The following RANBP2 variants were observed in gnomAD, a reference collection of about 807,000 sequenced individuals.
RANBP2 encodes E3 SUMO-protein ligase RanBP2.
A neutral mutation model predicts 303.6 loss-of-function variants in RANBP2; 57 were observed. The ratio of observed to expected loss-of-function variants is 0.19; its 90% CI spans 0.15 to 0.23. RANBP2 has a LOEUF of 0.23. Ranked by LOEUF, RANBP2 falls within the 10% of genes least tolerant of loss-of-function variation. RANBP2 has a pLI of 1.00. For missense variants in RANBP2, 3,138 were observed against 3,780.8 expected (o/e 0.83, Z 4.46); for synonymous variants, 1,167 against 1,301.5 (o/e 0.90, Z 2.23).
At chr2:109,179,460 T>A in the RANBP2 span, among the ~76,000 whole-genome samples, 2 of 152,146 alleles carry the variant, frequency 1.3e-5, no homozygotes, top group East Asian at 3.8e-4. Context: ...CCAGTGTCCT[T>A]GTCTTTGTGT....
At chr2:109,199,622 T>TTAACCC in the RANBP2 span, among the ~76,000 whole-genome samples, 2 of 132 alleles carry the variant, frequency 0.015, no homozygotes, top group South Asian at 0.25. Context: ...TGGAATGGAA[T>TTAACCC]GGAATGGAAT....
the RANBP2 span, among the ~76,000 whole-genome samples, chr2:108,855,195 A>G: frequency 6.6e-6 from 1 of 152,228 alleles, no homozygotes; most frequent in Non-Finnish European, 1.5e-5. Context: ...AAATGAGGAC[A>G]TAATTTTGAT....
At chr2:109,243,805 G>T in the RANBP2 span, among the ~76,000 whole-genome samples, 1 of 152,202 alleles carries the variant, frequency 6.6e-6, no homozygotes, top group African/African-American at 2.4e-5. Flanking sequence ...TTCTCTGTGC[G>T]TTGGGAAGCC....
the RANBP2 span, among the ~76,000 whole-genome samples, chr2:108,915,639 C>G: frequency 6.6e-6 from 1 of 152,036 alleles, no homozygotes; most frequent in Non-Finnish European, 1.5e-5. Context: ...GTGGCTCATG[C>G]CTATAATCCC....
chr2:109,631,326 A>C, the RANBP2 span, among the ~76,000 whole-genome samples: 53 of 152,332 alleles, frequency 3.5e-4, no homozygotes, highest in African/African-American at 1.3e-3. Flanking sequence ...ATTTCCTATG[A>C]ATTGGAAAAA....
At chr2:109,699,795 C>T in the RANBP2 span, among the ~76,000 whole-genome samples, 3 of 152,124 alleles carry the variant, frequency 2.0e-5, no homozygotes, top group Non-Finnish European at 2.9e-5. Context: ...CTCAGCTTCT[C>T]GGCTCAGTGA....
chr2:109,266,577 C>T, the RANBP2 span, among the ~76,000 whole-genome samples: 1 of 152,032 alleles, frequency 6.6e-6, no homozygotes, highest in African/African-American at 2.4e-5. Context: ...ACGTTTTGTG[C>T]CTGATGCCCG....
chr2:109,424,072 T>C, the RANBP2 span, among the ~76,000 whole-genome samples: 1 of 152,184 alleles, frequency 6.6e-6, no homozygotes, highest in African/African-American at 2.4e-5. Context: ...TCCCCACCGG[T>C]ACCGGCATTG....
intron 17 of RANBP2, among the ~76,000 whole-genome samples, chr2:108,756,880 C>T (rs1340356177): frequency 6.6e-6 from 1 of 152,226 alleles, no homozygotes; most frequent in East Asian, 1.9e-4. Flanking sequence ...CGGATACCAA[C>T]AGTGACCATA....
chr2:109,508,972 C>T, the RANBP2 span, among the ~76,000 whole-genome samples: 32 of 152,168 alleles, frequency 2.1e-4, no homozygotes, highest in Admixed American at 7.2e-4. Flanking sequence ...TTCCTCTGGA[C>T]GTTCTTGGCA....
chr2:108,739,717 G>A (rs1159848292), intron 6 of RANBP2, among the ~76,000 whole-genome samples: 1 of 152,220 alleles, frequency 6.6e-6, no homozygotes, highest in East Asian at 1.9e-4. Context: ...CAGGCGTAGT[G>A]GCTCATGCCT....
At chr2:109,360,893 C>G in the RANBP2 span, among the ~76,000 whole-genome samples, 1 of 152,136 alleles carries the variant, frequency 6.6e-6, no homozygotes, top group African/African-American at 2.4e-5. Flanking sequence ...TTGCCTTGTC[C>G]TTGATCTTAG....
At chr2:108,961,517 C>G in the RANBP2 span, among the ~76,000 whole-genome samples, 1 of 152,198 alleles carries the variant, frequency 6.6e-6, no homozygotes, top group Non-Finnish European at 1.5e-5. Context: ...TCCTGGTTCC[C>G]GCTGCCTACA....
chr2:109,014,701 A>C, the RANBP2 span, among the ~76,000 whole-genome samples: 4,300 of 152,322 alleles, frequency 0.028, 128 homozygotes, highest in African/African-American at 0.075. Context: ...GTGGTGTTGC[A>C]GGATGCACGT....
the RANBP2 span, among the ~76,000 whole-genome samples, chr2:109,547,369 GTTTTTT>G: frequency 1.7e-5 from 2 of 117,874 alleles, no homozygotes; most frequent in African/African-American, 3.2e-5. Flanking sequence ...TAATAAACTT[GTTTTTT>G]TTTTTTTTTT....
At chr2:109,159,964 A>G in the RANBP2 span, among the ~76,000 whole-genome samples, 1 of 152,238 alleles carries the variant, frequency 6.6e-6, no homozygotes, top group African/African-American at 2.4e-5. Context: ...TGTAATAATA[A>G]TAGAAATAAA....
the RANBP2 span, among the ~76,000 whole-genome samples, chr2:109,551,571 T>G: frequency 6.6e-6 from 1 of 152,322 alleles, no homozygotes; most frequent in South Asian, 2.1e-4. Context: ...TTGGGTGAGA[T>G]TATGGTATTC....
the RANBP2 span, among the ~76,000 whole-genome samples, chr2:109,682,038 C>T: frequency 2.0e-5 from 3 of 152,138 alleles, no homozygotes; most frequent in Non-Finnish European, 4.4e-5. Flanking sequence ...GTCCAGGACC[C>T]CAGGCTCTTC....
the RANBP2 span, among the ~76,000 whole-genome samples, chr2:109,493,496 TACAA>T: frequency 2.2e-4 from 33 of 150,264 alleles, 1 homozygote; most frequent in East Asian, 1.4e-3. Context: ...ACATACACCA[TACAA>T]ACACATACCT....
Sources: allele counts gnomAD v4.1 joint callset (sites outside exome capture counted in the v4.1 genomes callset), GRCh38; gene constraint gnomAD v4.1.1; transcripts MANE v1.5; gene names NCBI Gene and HGNC (gene_info 2026-07-23, HGNC 2026-07-21).